HERPUD2: variants seen among roughly 807,000 people sequenced by gnomAD.
HERPUD2 encodes the protein HERPUD family member 2.
A neutral mutation model predicts 49.9 loss-of-function variants in HERPUD2; 13 were observed. The ratio of observed to expected loss-of-function variants is 0.26; its 90% CI spans 0.17 to 0.41. The LOEUF (loss-of-function observed/expected upper bound fraction) is 0.41, where lower values mean the gene tolerates loss of function less well. Ranked by LOEUF, HERPUD2 falls within the 10% of genes least tolerant of loss-of-function variation. The probability of loss-of-function intolerance (pLI) is 1.00; values close to 1 mark genes in which losing one functional copy is unlikely to be tolerated. For missense variants in HERPUD2, 449 were observed against 492.2 expected (o/e 0.91, Z 0.83); for synonymous variants, 172 against 171.4 (o/e 1.00, Z -0.03).
intron 2 of HERPUD2, among the ~76,000 whole-genome samples, chr7:35,683,974 T>C (rs1444052250): frequency 6.6e-6 from 1 of 152,200 alleles, no homozygotes; most frequent in Non-Finnish European, 1.5e-5. Context: ...TATAAACTAG[T>C]ACAACCGTTA....
intron 5 of HERPUD2, among the ~76,000 whole-genome samples, chr7:35,658,175 A>C (rs986152584): frequency 6.6e-6 from 1 of 152,228 alleles, no homozygotes; most frequent in Non-Finnish European, 1.5e-5. Context: ...TGTCATTTGC[A>C]GCAACACAAA....
At chr7:35,658,702 A>C (rs909767200) in intron 5 of HERPUD2, among the ~76,000 whole-genome samples, 3 of 152,252 alleles carry the variant, frequency 2.0e-5, no homozygotes, top group Admixed American at 1.3e-4. Context: ...GGAAAAACTG[A>C]ATGTACAAAA....
At chr7:35,658,275 A>G (rs1354774226) in intron 5 of HERPUD2, among the ~76,000 whole-genome samples, 6 of 152,226 alleles carry the variant, frequency 3.9e-5, no homozygotes, top group Admixed American at 2.0e-4. Flanking sequence ...AAGCTAAGTA[A>G]GTTCCTCTCA....
chr7:35,663,548 T>C lies in HERPUD2; in HGVS notation c.494+3886A>G, dbSNP rs989333587. On this transcript the variant is annotated intron_variant, in intron 5 of 8. Coordinates refer to ENST00000311350, the MANE Select transcript of HERPUD2 (RefSeq NM_022373.5). ...TTGCGTGGGAGTCTAAGTCTCTTTG[T>C]AGGTCTTTAAGGACTTGCTTTATGA... Among the ~76,000 whole-genome samples the C allele has an allele frequency of 9.8e-5, 15 of 152,356 alleles. 1 individual carries two copies. The Middle Eastern group carries it at 0.017, about 173-fold the overall frequency.
In HERPUD2 at chr7:35,633,682, T is replaced by C; in HGVS notation, c.*8A>G. 1.2e-6 allele frequency: 2 copies of C among 1,611,294 alleles called. No homozygotes were observed. Among genetic ancestry groups the C allele is most frequent in the Non-Finnish European group, 1.7e-6 (2 of 1,178,882 alleles). Reference sequence around the variant, plus strand: ...AGACCCTCCTTGTAGCTGGCACAGTTTTTCAGGTCAATTGGCAACCTGGGG... The same window carrying C: ...AGACCCTCCTTGTAGCTGGCACAGTCTTTCAGGTCAATTGGCAACCTGGGG... On this transcript the variant is annotated 3_prime_UTR_variant, in exon 9 of 9. Coordinates refer to ENST00000311350, the MANE Select transcript of HERPUD2 (RefSeq NM_022373.5).
intron 2 of HERPUD2, among the ~76,000 whole-genome samples, chr7:35,690,826 G>A (rs540164643): frequency 8.7e-4 from 132 of 151,974 alleles, no homozygotes; most frequent in Middle Eastern, 3.4e-3. Flanking sequence ...AAAAAAGAAC[G>A]GTATAAAAAA....
chr7:35,667,321 G>A, intron 5 of HERPUD2, 113 bp downstream of exon 5: 1 of 963,000 alleles, frequency 1.0e-6, no homozygotes, highest in Admixed American at 2.3e-5. Context: ...TCAAATATAT[G>A]AATAAATTTA....
chr7:35,649,869 C>T (rs549571409), intron 5 of HERPUD2, among the ~76,000 whole-genome samples: 82 of 152,160 alleles, frequency 5.4e-4, no homozygotes, highest in African/African-American at 1.9e-3. Flanking sequence ...TCCTGAATTC[C>T]AAAAGGGAAG....
At chr7:35,649,402 C>A (rs1393472867) in intron 5 of HERPUD2, among the ~76,000 whole-genome samples, 1 of 151,898 alleles carries the variant, frequency 6.6e-6, no homozygotes, top group African/African-American at 2.4e-5. Context: ...GTTACTAAAA[C>A]GTTAGTAATC....
At chr7:35,681,941 A>G (rs1473911718) in intron 2 of HERPUD2, among the ~76,000 whole-genome samples, 1 of 152,224 alleles carries the variant, frequency 6.6e-6, no homozygotes, top group Non-Finnish European at 1.5e-5. Context: ...TTTGTGAAGT[A>G]CTAAAAACCA....
chr7:35,667,129 G>C (rs1265319082), intron 5 of HERPUD2, among the ~76,000 whole-genome samples: 2 of 152,112 alleles, frequency 1.3e-5, no homozygotes, highest in Non-Finnish European at 2.9e-5. Flanking sequence ...CTGGGAGCTT[G>C]TCAGAAATGC....
At chr7:35,685,501 T>C (rs7778468) in intron 2 of HERPUD2, among the ~76,000 whole-genome samples, 12,500 of 151,458 alleles carry the variant, frequency 0.083, 743 homozygotes, top group South Asian at 0.21. Flanking sequence ...TTTTTTTGTA[T>C]TTTTAGTAGA....
chr7:35,646,170 T>C (rs1204728302), intron 5 of HERPUD2, among the ~76,000 whole-genome samples: 1 of 152,228 alleles, frequency 6.6e-6, no homozygotes, highest in Non-Finnish European at 1.5e-5. Context: ...ATCTAGTAAT[T>C]TGTAAATTCC....
intron 2 of HERPUD2, among the ~76,000 whole-genome samples, chr7:35,686,050 A>T (rs1480027630): frequency 6.6e-6 from 1 of 152,166 alleles, no homozygotes; most frequent in Non-Finnish European, 1.5e-5. Flanking sequence ...AATCAACTGA[A>T]TTTTCAACTA....
chr7:35,653,225 A>G (rs1313398208), intron 5 of HERPUD2, among the ~76,000 whole-genome samples: 2 of 152,238 alleles, frequency 1.3e-5, no homozygotes, highest in African/African-American at 4.8e-5. Context: ...AAAGTAAGGG[A>G]TGGAAAAAGA....
intron 2 of HERPUD2, among the ~76,000 whole-genome samples, chr7:35,693,738 A>G (rs549264874): frequency 6.6e-6 from 1 of 152,262 alleles, no homozygotes; most frequent in East Asian, 1.9e-4. Flanking sequence ...CCCGGGTTCA[A>G]GCGATTCTCC....
chr7:35,688,796 C>A (rs989560787), intron 2 of HERPUD2, among the ~76,000 whole-genome samples: 7 of 152,082 alleles, frequency 4.6e-5, no homozygotes, highest in African/African-American at 1.7e-4. Flanking sequence ...TTATACATAA[C>A]CATCACATAT....
chr7:35,675,176 T>C (rs1180902148), intron 2 of HERPUD2, among the ~76,000 whole-genome samples: 2 of 152,198 alleles, frequency 1.3e-5, no homozygotes, highest in Admixed American at 1.3e-4. Context: ...GACATTCAGC[T>C]GATGTCCTCT....
chr7:35,649,417 TC>T (rs1785118592), intron 5 of HERPUD2, among the ~76,000 whole-genome samples: 1 of 152,182 alleles, frequency 6.6e-6, no homozygotes, highest in Non-Finnish European at 1.5e-5. Flanking sequence ...GTAATCGTTG[TC>T]AACAAAAAGT....
Sources: allele counts gnomAD v4.1 joint callset (sites outside exome capture counted in the v4.1 genomes callset), GRCh38; gene constraint gnomAD v4.1.1; transcripts MANE v1.5; gene names NCBI Gene and HGNC (gene_info 2026-07-23, HGNC 2026-07-21).